CNTN3: variants seen among roughly 807,000 people sequenced by gnomAD.
CNTN3 encodes the protein contactin 3, also known as contactin-3.
CNTN3 carries 60 observed loss-of-function variants against 119.1 expected under a neutral mutation model. The observed-to-expected ratio is 0.50, with a 90% CI of 0.41 to 0.62. The LOEUF (loss-of-function observed/expected upper bound fraction) is 0.62. Ranked by LOEUF, CNTN3 falls within the 20% of genes least tolerant of loss-of-function variation. The probability of loss-of-function intolerance (pLI) is 0.00; values close to 1 mark genes in which losing one functional copy is unlikely to be tolerated. For missense variants in CNTN3, 1,101 were observed against 1,242.4 expected, an observed-to-expected ratio of 0.89 and a Z score of 1.71; for synonymous variants, 450 against 438.7, an observed-to-expected ratio of 1.03 and a Z score of -0.32.
At chr3:74,445,663 A>T (rs1398383622) in intron 4 of CNTN3, among the ~76,000 whole-genome samples, 1 of 152,240 alleles carries the variant, frequency 6.6e-6, no homozygotes, top group Non-Finnish European at 1.5e-5. Flanking sequence ...AATGCATTTC[A>T]TATAGCCTCT....
At chr3:74,453,414 T>C (rs553133732) in intron 4 of CNTN3, among the ~76,000 whole-genome samples, 9 of 152,310 alleles carry the variant, frequency 5.9e-5, no homozygotes. Context: ...TCTTTTTTTC[T>C]TTATTAGTCT....
chr3:74,484,028 G>A (rs963018626), intron 4 of CNTN3, among the ~76,000 whole-genome samples: 1 of 152,082 alleles, frequency 6.6e-6, no homozygotes, highest in Non-Finnish European at 1.5e-5. Flanking sequence ...TTCTTCATAT[G>A]TTATCAGGTA....
chr3:74,358,237 T>C (rs1703986256), intron 11 of CNTN3, among the ~76,000 whole-genome samples: 1 of 152,184 alleles, frequency 6.6e-6, no homozygotes, highest in East Asian at 1.9e-4. Context: ...TTCCCTCTTT[T>C]TAAGGATATC....
chr3:74,446,680 C>G (rs1315568682), intron 4 of CNTN3, among the ~76,000 whole-genome samples: 2 of 47,918 alleles, frequency 4.2e-5, no homozygotes, highest in South Asian at 1.0e-3. Flanking sequence ...GTTAATTTTA[C>G]TTGTTTTTTT....
chr3:74,462,137 C>T (rs1378997991), intron 4 of CNTN3, among the ~76,000 whole-genome samples: 1 of 152,020 alleles, frequency 6.6e-6, no homozygotes, highest in Non-Finnish European at 1.5e-5. Context: ...TCATCCTGCT[C>T]CAGCTACTTA....
intron 2 of CNTN3, among the ~76,000 whole-genome samples, chr3:74,507,752 C>A (rs1703291274): frequency 6.6e-6 from 1 of 151,456 alleles, no homozygotes; most frequent in African/African-American, 2.4e-5. Flanking sequence ...CTGCCTCAGC[C>A]TCCTGAGTAG....
intron 3 of CNTN3, among the ~76,000 whole-genome samples, chr3:74,488,985 T>C (rs1702911394): frequency 6.6e-6 from 1 of 152,328 alleles, no homozygotes; most frequent in Non-Finnish European, 1.5e-5. Context: ...AGTCTACCCT[T>C]AAGGTTTGAA....
At chr3:74,361,418 T>G (rs1362108844) in intron 11 of CNTN3, among the ~76,000 whole-genome samples, 1 of 152,214 alleles carries the variant, frequency 6.6e-6, no homozygotes. Context: ...TCCTGCTTCT[T>G]CATCTCAGTG....
intron 4 of CNTN3, among the ~76,000 whole-genome samples, chr3:74,450,528 A>G (rs1454258032): frequency 6.7e-6 from 1 of 148,990 alleles, no homozygotes; most frequent in Non-Finnish European, 1.5e-5. Context: ...AATTATTATT[A>G]TACTTTAAGT....
chr3:74,374,505 T>G (rs1381001894), intron 5 of CNTN3, among the ~76,000 whole-genome samples: 6 of 152,054 alleles, frequency 3.9e-5, no homozygotes, highest in Admixed American at 6.6e-5. Flanking sequence ...TCTCCCCAGT[T>G]TCCACTGAGA....
intron 4 of CNTN3, among the ~76,000 whole-genome samples, chr3:74,449,921 G>A (rs966274239): frequency 6.6e-5 from 10 of 152,064 alleles, no homozygotes; most frequent in Non-Finnish European, 1.3e-4. Flanking sequence ...GCAATTTAAT[G>A]ATATATTTCT....
chr3:74,371,381 A>G lies in CNTN3; in HGVS notation c.473T>C (p.Ile158Thr), dbSNP rs756083866. 19 of 1,612,702 alleles carry G rather than the reference A, an allele frequency of 1.2e-5. No individual in the cohort carries two copies. Among genetic ancestry groups the G allele is most frequent in the Non-Finnish European group, 1.6e-5 (19 of 1,179,120 alleles). ...AACAAACGATGGGTATTCATTGAAG[A>G]TCCAAGCATATGACAGTTCTAATAA... ...PHSGELSYAWIFNEYPSFVEE... is the reference protein window; with the variant it reads ...PHSGELSYAWTFNEYPSFVEE... The change falls in exon 6 of 23, where the codon ATC becomes ACC. Residue 158 changes from isoleucine (I) to threonine (T), a missense_variant. Coordinates refer to ENST00000263665, the MANE Select transcript of CNTN3 (RefSeq NM_020872.3).
chr3:74,556,572 C>T (rs1575827531), intron 1 of CNTN3, among the ~76,000 whole-genome samples: 1 of 152,102 alleles, frequency 6.6e-6, no homozygotes, highest in African/African-American at 2.4e-5. Context: ...TCCTCTTTGG[C>T]TATTGTGAAT....
chr3:74,505,954 T>C (rs1703252123), intron 2 of CNTN3, among the ~76,000 whole-genome samples: 1 of 152,074 alleles, frequency 6.6e-6, no homozygotes, highest in Non-Finnish European at 1.5e-5. Flanking sequence ...CATTCAATAA[T>C]TAGGGAATTG....
intron 2 of CNTN3, among the ~76,000 whole-genome samples, chr3:74,506,115 A>G (rs1703254910): frequency 6.6e-6 from 1 of 152,166 alleles, no homozygotes; most frequent in African/African-American, 2.4e-5. Flanking sequence ...GCCTAAGGAA[A>G]CACAAAAATG....
intron 1 of CNTN3, among the ~76,000 whole-genome samples, chr3:74,560,721 A>G (rs1704139734): frequency 6.6e-6 from 1 of 152,126 alleles, no homozygotes. Flanking sequence ...AGACACATGC[A>G]CACATATGTT....
At chr3:74,468,917 T>C (rs1307100102) in intron 4 of CNTN3, among the ~76,000 whole-genome samples, 14 of 152,198 alleles carry the variant, frequency 9.2e-5, no homozygotes, top group Admixed American at 9.2e-4. Context: ...CATTTAGTTG[T>C]TAGTTTCAAC....
intron 4 of CNTN3, among the ~76,000 whole-genome samples, chr3:74,480,429 A>T (rs1702742473): frequency 6.6e-6 from 1 of 152,124 alleles, no homozygotes; most frequent in East Asian, 1.9e-4. Flanking sequence ...CTGTGGTGGT[A>T]AGGTGGTGGT....
At chr3:74,357,653 C>T (rs939705163) in intron 11 of CNTN3, among the ~76,000 whole-genome samples, 6 of 152,112 alleles carry the variant, frequency 3.9e-5, no homozygotes, top group African/African-American at 1.5e-4. Context: ...TTGAATGATA[C>T]ATATATAGAA....
Sources: gnomAD v4.1 joint callset for allele counts (sites outside exome capture counted in the v4.1 genomes callset) on GRCh38, gnomAD v4.1.1 for gene constraint, MANE v1.5 for transcripts, NCBI Gene and HGNC (gene_info 2026-07-23, HGNC 2026-07-21) for gene names.